ROBO2: variants seen among roughly 807,000 people sequenced by gnomAD.
The protein encoded by ROBO2 is roundabout homolog 2.
ROBO2 carries 53 observed loss-of-function variants against 160.8 expected under a neutral mutation model. The ratio of observed to expected loss-of-function variants is 0.33; its 90% CI spans 0.26 to 0.41. ROBO2 has a LOEUF of 0.41. Ranked by LOEUF, ROBO2 falls within the 10% of genes least tolerant of loss-of-function variation. The pLI, the probability that ROBO2 is intolerant of heterozygous loss-of-function variation, is 1.00. For missense variants in ROBO2, 1,577 were observed against 1,722.4 expected (o/e 0.92, Z 1.49); for synonymous variants, 664 against 611.7 (o/e 1.09, Z -1.26).
chr3:77,604,774 C>T (rs2094494085), intron 20 of ROBO2, among the ~76,000 whole-genome samples: 1 of 152,018 alleles, frequency 6.6e-6, no homozygotes, highest in Admixed American at 6.6e-5. Flanking sequence ...TTGTGGATAA[C>T]TAATCATATG....
intron 2 of ROBO2, among the ~76,000 whole-genome samples, chr3:76,811,450 A>G (rs770531626): frequency 6.6e-6 from 1 of 152,176 alleles, no homozygotes; most frequent in Non-Finnish European, 1.5e-5. Context: ...TAGTTGTTCA[A>G]CTATTCTCTT....
intron 2 of ROBO2, among the ~76,000 whole-genome samples, chr3:75,947,753 C>T (rs1201660214): frequency 6.6e-6 from 1 of 152,066 alleles, no homozygotes; most frequent in Non-Finnish European, 1.5e-5. Context: ...CAAAAAGGAG[C>T]TATCTTCATC....
intron 2 of ROBO2, among the ~76,000 whole-genome samples, chr3:77,129,049 G>A (rs1215440061): frequency 2.0e-5 from 3 of 152,056 alleles, no homozygotes; most frequent in South Asian, 2.1e-4. Flanking sequence ...TTTGTGAATT[G>A]CCTATTTATG....
At chr3:76,218,599 C>T (rs1703729098) in intron 2 of ROBO2, among the ~76,000 whole-genome samples, 1 of 152,150 alleles carries the variant, frequency 6.6e-6, no homozygotes, top group Non-Finnish European at 1.5e-5. Context: ...AGGAATCCAA[C>T]TTACAAGGGA....
chr3:76,501,460 T>G (rs542297943), intron 2 of ROBO2, among the ~76,000 whole-genome samples: 143 of 152,294 alleles, frequency 9.4e-4, no homozygotes, highest in African/African-American at 3.3e-3. Context: ...CCATGCTAAA[T>G]TTCTTTCAAG....
rs554288507 is a variant in ROBO2 at position 76,124,937 on chromosome 3, T to TC, written c.109+187338dup. Among the ~76,000 whole-genome samples, 100 of 152,282 alleles carry TC rather than the reference T, an allele frequency of 6.6e-4. 1 individual carries two copies. The South Asian group carries it at 7.5e-3, about 11-fold the overall frequency. ...GTGATGATGAGGATTGGGGTATGGA[T>TC]CCCATCACCCAGGTACTGAGCATAA... On this transcript the variant is annotated intron_variant, in intron 2 of 26. Coordinates refer to the ROBO2 transcript ENST00000487694.
intron 2 of ROBO2, among the ~76,000 whole-genome samples, chr3:76,680,083 T>C (rs1204349512): frequency 6.6e-6 from 1 of 152,144 alleles, no homozygotes; most frequent in African/African-American, 2.4e-5. Context: ...AGAAAGATGA[T>C]TAGAAATCTT....
intron 2 of ROBO2, among the ~76,000 whole-genome samples, chr3:76,238,466 A>G (rs1321988670): frequency 6.6e-6 from 1 of 152,034 alleles, no homozygotes; most frequent in African/African-American, 2.4e-5. Context: ...ACCTCCCCCA[A>G]GGGCTTCCCC....
intron 2 of ROBO2, among the ~76,000 whole-genome samples, chr3:76,206,366 CATT>C (rs1434833411): frequency 6.6e-6 from 1 of 152,096 alleles, no homozygotes; most frequent in Non-Finnish European, 1.5e-5. Flanking sequence ...TTTTGTGTCA[CATT>C]ATATGGCTGA....
intron 2 of ROBO2, among the ~76,000 whole-genome samples, chr3:77,235,707 A>T (rs952139984): frequency 2.0e-5 from 3 of 152,226 alleles, no homozygotes; most frequent in Admixed American, 2.0e-4. Context: ...CCATTGGAAA[A>T]ATTAAACCTC....
At chr3:76,744,486 A>G (rs1337076159) in intron 2 of ROBO2, among the ~76,000 whole-genome samples, 1 of 152,078 alleles carries the variant, frequency 6.6e-6, no homozygotes, top group African/African-American at 2.4e-5. Context: ...CAGCCTCCTG[A>G]GTAGCTGGGG....
chr3:77,025,650 C>A (rs767117839), intron 2 of ROBO2, among the ~76,000 whole-genome samples: 5 of 152,170 alleles, frequency 3.3e-5, no homozygotes, highest in Non-Finnish European at 5.9e-5. Flanking sequence ...TAGGAAAAAT[C>A]TCCTGGGTGG....
chr3:76,162,725 C>T (rs2072688502), intron 2 of ROBO2, among the ~76,000 whole-genome samples: 1 of 151,938 alleles, frequency 6.6e-6, no homozygotes, highest in African/African-American at 2.4e-5. Flanking sequence ...AGAGTATGCC[C>T]ATCTTTTTTC....
chr3:77,430,362 T>C (rs976514097), intron 2 of ROBO2, among the ~76,000 whole-genome samples: 2 of 152,104 alleles, frequency 1.3e-5, no homozygotes, highest in African/African-American at 4.8e-5. Context: ...GTTTGTGTGT[T>C]TTAGCAAGGA....
chr3:77,624,159 T>C (rs924734169), intron 23 of ROBO2, among the ~76,000 whole-genome samples: 4 of 152,348 alleles, frequency 2.6e-5, no homozygotes, highest in Admixed American at 2.0e-4. Flanking sequence ...GAGTTTATCC[T>C]ATGAATAATA....
rs1239797898 is a variant in ROBO2 at position 77,563,207 on chromosome 3, C to G, written c.1560C>G (p.Asp520Glu). Residue 520 changes from aspartate to glutamate, a missense_variant, in exon 11 of 26, where the codon GAC becomes GAG. Coordinates refer to ENST00000461745, the Ensembl canonical transcript of ROBO2. ...TCAGTAAAAACTATGATTTAAGTGA[C>G]CTGCCAGGGCCACCATCCAAACCGC... 2.5e-6 allele frequency: 4 copies of G among 1,613,314 alleles called. No homozygotes were observed. The highest frequency in any genetic ancestry group is 3.4e-6 in the Non-Finnish European group (4 of 1,179,750).
intron 21 of ROBO2, among the ~76,000 whole-genome samples, chr3:77,609,224 C>T (rs1232667542): frequency 1.3e-5 from 2 of 151,908 alleles, no homozygotes; most frequent in Admixed American, 1.3e-4. Flanking sequence ...TTTAAGTTCA[C>T]ATTTGAAATG....
chr3:76,230,830 A>T (rs987591339), intron 2 of ROBO2, among the ~76,000 whole-genome samples: 2 of 152,186 alleles, frequency 1.3e-5, no homozygotes, highest in Non-Finnish European at 2.9e-5. Flanking sequence ...AATTAAAATG[A>T]GGTCATTAGG....
At chr3:77,277,161 T>TTTCTTTCTTTCTTTCTTTCTTTCTTTC (rs2059900528) in intron 2 of ROBO2, among the ~76,000 whole-genome samples, 1 of 86,566 alleles carries the variant, frequency 1.2e-5, no homozygotes, top group South Asian at 4.5e-4. Flanking sequence ...TCTTTCCTTC[T>TTTCTTTCTTTCTTTCTTTCTTTCTTTC]TTCTTTCTTT....
Sources: gnomAD v4.1 joint callset for allele counts (sites outside exome capture counted in the v4.1 genomes callset) on GRCh38, gnomAD v4.1.1 for gene constraint, MANE v1.5 for transcripts, NCBI Gene and HGNC (gene_info 2026-07-23, HGNC 2026-07-21) for gene names.